Variants in ADCY5 observed in about 807,000 individuals in gnomAD.
ADCY5 encodes the protein adenylate cyclase 5, also known as adenylate cyclase type 5.
Under a neutral mutation model 119.7 loss-of-function variants are expected in ADCY5, and 30 were observed. The observed-to-expected ratio is 0.25, with a 90% CI of 0.19 to 0.34. The LOEUF (loss-of-function observed/expected upper bound fraction) is 0.34, where lower values mean the gene tolerates loss of function less well. Ranked by LOEUF, ADCY5 falls within the 10% of genes least tolerant of loss-of-function variation. The probability of loss-of-function intolerance (pLI) is 1.00; values close to 1 mark genes in which losing one functional copy is unlikely to be tolerated. For missense variants in ADCY5, 1,324 were observed against 1,775.2 expected, an observed-to-expected ratio of 0.75 and a Z score of 4.57; for synonymous variants, 753 against 762.2, an observed-to-expected ratio of 0.99 and a Z score of 0.20.
intron 1 of ADCY5, chr3:123,420,037 T>A (rs6774571): frequency 0.93 from 141,534 of 152,172 alleles, 66,273 homozygotes; most frequent in Non-Finnish European, 0.99. Context: ...TCAAGACATA[T>A]CTGTTTCCTC....
chr3:123,305,489 C>G (rs1940149693), intron 12 of ADCY5, among the ~76,000 whole-genome samples: 1 of 152,192 alleles, frequency 6.6e-6, no homozygotes, highest in Admixed American at 6.5e-5. Flanking sequence ...AGCTGCAACC[C>G]AAACCCACTA....
At position 123,347,888 on chromosome 3, in the gene ADCY5, A is replaced by C; in HGVS notation, c.1300T>G (p.Ser434Ala). Residue 434 changes from serine (S) to alanine (A), a missense_variant, in exon 3 of 21, where the codon TCT (serine) becomes GCT (alanine). By Grantham distance (99) the Ser-to-Ala change is moderately conservative (BLOSUM62 1). Transcript: ENST00000462833. ...ENQQQERLLL[S>A]VLPRHVAMEM... ...ATGGCAACATGACGGGGAAGGACAG[A>C]CAGCAGGAGCCGTTCCTGCAGAGGG... is the stretch of plus-strand genomic sequence containing the variant. 6.2e-7 allele frequency: 1 copy of C among 1,614,110 alleles called. No homozygotes were observed.
intron 1 of ADCY5, among the ~76,000 whole-genome samples, chr3:123,434,977 G>C (rs906777353): frequency 6.6e-6 from 1 of 152,144 alleles, no homozygotes; most frequent in African/African-American, 2.4e-5. Context: ...GCCACACACA[G>C]TAAGAGCTTA....
At chr3:123,382,915 T>C (rs934921053) in intron 1 of ADCY5, among the ~76,000 whole-genome samples, 10 of 152,234 alleles carry the variant, frequency 6.6e-5, no homozygotes, top group African/African-American at 2.4e-4. Context: ...TTATGTCATA[T>C]GCATTTTATG....
chr3:123,372,864 C>G (rs903268231), intron 1 of ADCY5, among the ~76,000 whole-genome samples: 1 of 152,158 alleles, frequency 6.6e-6, no homozygotes, highest in Non-Finnish European at 1.5e-5. Context: ...CGTGTGTCAA[C>G]TGGTTTTTAA....
At chr3:123,312,910 G>C (rs933602873) in intron 12 of ADCY5, among the ~76,000 whole-genome samples, 8 of 144,746 alleles carry the variant, frequency 5.5e-5, no homozygotes, top group Admixed American at 2.0e-4. Flanking sequence ...AAGCAGGCTG[G>C]GGGGGGCCTT....
chr3:123,357,077 G>A (rs1943064975), intron 1 of ADCY5, among the ~76,000 whole-genome samples: 1 of 152,116 alleles, frequency 6.6e-6, no homozygotes, highest in Non-Finnish European at 1.5e-5. Context: ...GGGAGCAGTG[G>A]GTAGGGCTGA....
At chr3:123,326,959 G>A (rs1941522932) in intron 7 of ADCY5, among the ~76,000 whole-genome samples, 1 of 152,180 alleles carries the variant, frequency 6.6e-6, no homozygotes, top group Non-Finnish European at 1.5e-5. Context: ...TCTATCAAAG[G>A]GCACTGACTG....
intron 19 of ADCY5, chr3:123,287,097 ATCC>A (rs901700743): frequency 1.4e-4 from 40 of 293,494 alleles, no homozygotes; most frequent in Non-Finnish European, 2.3e-4. Context: ...CCTTTCCCTA[ATCC>A]TCCTCCTCTT....
chr3:123,389,825 G>C (rs1369159643), intron 1 of ADCY5, among the ~76,000 whole-genome samples: 1 of 152,180 alleles, frequency 6.6e-6, no homozygotes, highest in Non-Finnish European at 1.5e-5. Flanking sequence ...CTAATTTAAC[G>C]GACAGTGCAC....
chr3:123,295,896 G>A (rs1164956149), intron 17 of ADCY5, among the ~76,000 whole-genome samples, 188 bp downstream of exon 17: 1 of 152,200 alleles, frequency 6.6e-6, no homozygotes, highest in East Asian at 1.9e-4. Flanking sequence ...TTGCCTCTTG[G>A]CTCCAGAGTG....
chr3:123,410,433 A>C (rs779108353), intron 1 of ADCY5, among the ~76,000 whole-genome samples: 1 of 152,152 alleles, frequency 6.6e-6, no homozygotes, highest in Non-Finnish European at 1.5e-5. Flanking sequence ...CCATATCCCA[A>C]GGTGAACTGC....
intron 1 of ADCY5, among the ~76,000 whole-genome samples, chr3:123,439,125 T>C (rs940150030): frequency 4.6e-4 from 56 of 121,978 alleles, no homozygotes; most frequent in Non-Finnish European, 8.5e-4. Context: ...TAGAGTGTAG[T>C]GGCGCAATCT....
chr3:123,445,493 C>T (rs919174031), intron 1 of ADCY5, among the ~76,000 whole-genome samples: 2 of 152,142 alleles, frequency 1.3e-5, no homozygotes, highest in Non-Finnish European at 2.9e-5. Context: ...ATGACATGCC[C>T]CTTCCTCTGC....
At chr3:123,354,277 C>G (rs76450666) in intron 1 of ADCY5, among the ~76,000 whole-genome samples, 1 of 152,198 alleles carries the variant, frequency 6.6e-6, no homozygotes, top group Admixed American at 6.5e-5. Context: ...CTTGAGCCCA[C>G]GGCTTCTGGA....
intron 1 of ADCY5, among the ~76,000 whole-genome samples, chr3:123,390,783 G>A (rs1944381047): frequency 6.6e-6 from 1 of 152,184 alleles, no homozygotes; most frequent in Non-Finnish European, 1.5e-5. Flanking sequence ...AATGGACTCA[G>A]CTCCTTCTCA....
intron 1 of ADCY5, among the ~76,000 whole-genome samples, chr3:123,359,197 ACTTCCCGGGGAGCCAGAGTTAG>A (rs1337632974): frequency 2.1e-4 from 32 of 151,804 alleles, no homozygotes; most frequent in Non-Finnish European, 3.5e-4. Context: ...GGGAATCAGA[ACTTCCCGGGGAGCCAGAGTTAG>A]TGATGGGGGA....
At chr3:123,341,034 A>G (rs1470794171) in intron 3 of ADCY5, among the ~76,000 whole-genome samples, 3 of 152,256 alleles carry the variant, frequency 2.0e-5, no homozygotes, top group African/African-American at 7.2e-5. Flanking sequence ...CTGAGGCAGG[A>G]GAATTGCTTG....
chr3:123,396,816 AGGC>A (rs1559860793), intron 1 of ADCY5, among the ~76,000 whole-genome samples: 12,416 of 63,960 alleles, frequency 0.19, 1,235 homozygotes, highest in Admixed American at 0.29. Context: ...GCAGGCAGGC[AGGC>A]GAGAGAGAGA....
Sources: gnomAD v4.1 joint callset for allele counts (sites outside exome capture counted in the v4.1 genomes callset) on GRCh38, gnomAD v4.1.1 for gene constraint, MANE v1.5 for transcripts, NCBI Gene and HGNC (gene_info 2026-07-23, HGNC 2026-07-21) for gene names.